The following MFHAS1 variants were observed in gnomAD, a reference collection of about 807,000 sequenced individuals.
MFHAS1 encodes multifunctional ROCO family signaling regulator 1, also known as malignant fibrous histiocytoma-amplified sequence 1.
A neutral mutation model predicts 70.4 loss-of-function variants in MFHAS1; 50 were observed. That is an observed-to-expected ratio of 0.71 (90% CI 0.57 to 0.90). The LOEUF (loss-of-function observed/expected upper bound fraction) is 0.90. Ranked by LOEUF, MFHAS1 falls within the 40% of genes least tolerant of loss-of-function variation. The pLI, the probability that MFHAS1 is intolerant of heterozygous loss-of-function variation, is 0.00. For missense variants in MFHAS1, 1,795 were observed against 1,347.6 expected, an observed-to-expected ratio of 1.33 and a Z score of -5.20; for synonymous variants, 952 against 620.0, an observed-to-expected ratio of 1.54 and a Z score of -7.96.
intron 1 of MFHAS1, among the ~76,000 whole-genome samples, chr8:8,851,640 T>G (rs451082): frequency 0.12 from 18,514 of 152,200 alleles, 1,698 homozygotes; most frequent in African/African-American, 0.25. Context: ...AAAACAAAAC[T>G]GGAAACAAAA....
intron 1 of MFHAS1, among the ~76,000 whole-genome samples, chr8:8,834,065 G>T (rs911491112): frequency 6.6e-6 from 1 of 152,112 alleles, no homozygotes; most frequent in Non-Finnish European, 1.5e-5. Context: ...GGCGGAGGCT[G>T]CAGTGAGCCA....
chr8:8,843,408 A>AC (rs555316358), intron 1 of MFHAS1, among the ~76,000 whole-genome samples: 70 of 151,880 alleles, frequency 4.6e-4, no homozygotes, highest in Non-Finnish European at 5.2e-4. Flanking sequence ...ACATTTCAAG[A>AC]CCCCATCTCT....
intron 1 of MFHAS1, among the ~76,000 whole-genome samples, chr8:8,810,892 G>C (rs1806521123): frequency 6.6e-6 from 1 of 152,160 alleles, no homozygotes; most frequent in South Asian, 2.1e-4. Flanking sequence ...AGGAGAAGGA[G>C]TGAAGGTTGG....
chr8:8,788,895 C>G (rs976377067), intron 2 of MFHAS1, among the ~76,000 whole-genome samples: 1 of 152,132 alleles, frequency 6.6e-6, no homozygotes, highest in African/African-American at 2.4e-5. Flanking sequence ...AAGGGAGTAT[C>G]TGTGTGTTGG....
chr8:8,823,747 C>A (rs574968651), intron 1 of MFHAS1, among the ~76,000 whole-genome samples: 89 of 148,478 alleles, frequency 6.0e-4, no homozygotes, highest in African/African-American at 2.1e-3. Context: ...GCATCACCTG[C>A]GAAATTTCAA....
intron 1 of MFHAS1, among the ~76,000 whole-genome samples, chr8:8,842,278 C>T (rs1441813244): frequency 1.3e-5 from 2 of 152,026 alleles, no homozygotes; most frequent in Non-Finnish European, 2.9e-5. Context: ...CTCTGCCTCC[C>T]AGGTTCAAGC....
intron 2 of MFHAS1, among the ~76,000 whole-genome samples, chr8:8,788,538 G>C (rs559451739): frequency 6.6e-6 from 1 of 152,280 alleles, no homozygotes; most frequent in South Asian, 2.1e-4. Context: ...AATTAGCCAG[G>C]CGTGGTGGTG....
intron 1 of MFHAS1, among the ~76,000 whole-genome samples, chr8:8,861,372 T>C (rs531517189): frequency 1.3e-5 from 2 of 152,322 alleles, no homozygotes; most frequent in South Asian, 2.1e-4. Context: ...CAATTTCATG[T>C]GGTTCAGTCT....
At chr8:8,812,990 CT>C (rs991786498) in intron 1 of MFHAS1, among the ~76,000 whole-genome samples, 1 of 152,198 alleles carries the variant, frequency 6.6e-6, no homozygotes, top group African/African-American at 2.4e-5. Context: ...TGGTCTCAAA[CT>C]TGTGACCTCA....
chr8:8,789,073 A>C (rs566833882), intron 2 of MFHAS1, among the ~76,000 whole-genome samples: 45 of 150,834 alleles, frequency 3.0e-4, no homozygotes, highest in Non-Finnish European at 6.1e-4. Context: ...AAAAGATAAG[A>C]GAGCAGGCAG....
chr8:8,810,653 C>T (rs955701727), intron 1 of MFHAS1, among the ~76,000 whole-genome samples: 1 of 152,166 alleles, frequency 6.6e-6, no homozygotes, highest in African/African-American at 2.4e-5. Context: ...GTATATAATA[C>T]ATAAAACATA....
Position 8,892,883 on chromosome 8 carries a change from G to A in MFHAS1, c.176C>T (p.Pro59Leu). The change falls in exon 1 of 3, where the codon CCG (proline) becomes CTG (leucine). Residue 59 changes from proline (P) to leucine (L), a missense_variant. Physicochemically the swap from Pro to Leu is moderately conservative, Grantham distance 98. Coordinates refer to ENST00000276282, the MANE Select transcript of MFHAS1 (RefSeq NM_004225.3). This position sits in a 1 kb window ranked among gnomAD's most constrained non-coding sequence, Gnocchi z 4.7. Reference protein sequence around the residue: ...ESPASPQLVLPANLGDIEALN... With the variant: ...ESPASPQLVLLANLGDIEALN... ...TGCCTCAATGTCCCCGAGGTTGGCC[G>A]GCAGCACGAGCTGGGGGGAGGCGGG... 2 of 1,582,862 alleles carry A rather than the reference G, an allele frequency of 1.3e-6. No homozygotes were observed. The highest frequency in any genetic ancestry group is 8.6e-7 in the Non-Finnish European group (1 of 1,166,780).
chr8:8,888,047 C>G (rs970327988), intron 1 of MFHAS1, among the ~76,000 whole-genome samples: 1 of 152,186 alleles, frequency 6.6e-6, no homozygotes, highest in African/African-American at 2.4e-5. Flanking sequence ...AACTCCCAGT[C>G]ACTTTATTCC....
At chr8:8,811,028 T>C (rs1216557030) in intron 1 of MFHAS1, among the ~76,000 whole-genome samples, 1 of 152,002 alleles carries the variant, frequency 6.6e-6, no homozygotes, top group Admixed American at 6.6e-5. Flanking sequence ...GGCTCAACTT[T>C]CTCCTTTTGC....
At chr8:8,814,403 G>C (rs551525155) in intron 1 of MFHAS1, among the ~76,000 whole-genome samples, 42 of 152,360 alleles carry the variant, frequency 2.8e-4, no homozygotes, top group African/African-American at 7.7e-4. Flanking sequence ...TGGGTGTGTA[G>C]TAGGCTAGAC....
intron 1 of MFHAS1, among the ~76,000 whole-genome samples, chr8:8,797,832 C>G (rs1805962032): frequency 6.6e-6 from 1 of 152,126 alleles, no homozygotes; most frequent in Non-Finnish European, 1.5e-5. Context: ...AGCCAGAGTC[C>G]CCAGAGCCCA....
intron 1 of MFHAS1, among the ~76,000 whole-genome samples, chr8:8,807,957 G>C (rs1363749536): frequency 1.3e-5 from 2 of 152,236 alleles, no homozygotes; most frequent in Non-Finnish European, 2.9e-5. Context: ...TCGGCTACCA[G>C]CCATCAATCT....
Position 8,838,333 on chromosome 8 carries a change from G to A in MFHAS1, c.2999-40842C>T, listed in dbSNP as rs146274934. Among the ~76,000 whole-genome samples the A allele has an allele frequency of 3.3e-5, 5 of 152,292 alleles. No individual in the cohort carries two copies. In the South Asian group the frequency reaches 1.0e-3, roughly 32 times the overall value. On this transcript the variant is annotated intron_variant, in intron 1 of 2. Coordinates refer to ENST00000276282, the MANE Select transcript of MFHAS1 (RefSeq NM_004225.3). ...GTCTATATTCTTGATTGTGGTGGTA[G>A]ATACCTAAATCTGTCACAATTCACC... is the stretch of plus-strand genomic sequence containing the variant.
At chr8:8,828,495 C>G (rs1309522951) in intron 1 of MFHAS1, among the ~76,000 whole-genome samples, 1 of 152,136 alleles carries the variant, frequency 6.6e-6, no homozygotes, top group Non-Finnish European at 1.5e-5. Context: ...GCCGTCTTCA[C>G]AGAAAGAAGG....
Sources: gnomAD v4.1 joint callset for allele counts (sites outside exome capture counted in the v4.1 genomes callset) on GRCh38, gnomAD v4.1.1 for gene constraint, Gnocchi (gnomAD v3.1) non-coding constraint, MANE v1.5 for transcripts, NCBI Gene and HGNC (gene_info 2026-07-23, HGNC 2026-07-21) for gene names.